ASTN2: variants seen among roughly 807,000 people sequenced by gnomAD.
ASTN2 encodes astrotactin-2.
In ASTN2, 54 loss-of-function variants were observed where a neutral mutation model predicts 139.8. That is an observed-to-expected ratio of 0.39 (90% confidence interval 0.31 to 0.48). The LOEUF (loss-of-function observed/expected upper bound fraction) is 0.48. Among genes scored for constraint, ASTN2 ranks in the 20% least tolerant of loss-of-function variants. The pLI, the probability that ASTN2 is intolerant of heterozygous loss-of-function variation, is 0.95. For synonymous variants in ASTN2, 756 were observed against 719.5 expected (o/e 1.05, Z -0.81); for missense variants, 1,565 against 1,725.1 (o/e 0.91, Z 1.64).
intron 10 of ASTN2, among the ~76,000 whole-genome samples, chr9:116,870,275 A>G (rs916959421): frequency 2.0e-5 from 3 of 152,234 alleles, no homozygotes; most frequent in Non-Finnish European, 4.4e-5. Flanking sequence ...TTTCTCCTAC[A>G]TGAATCTTCT....
At chr9:116,535,900 C>T (rs540487052) in intron 19 of ASTN2, among the ~76,000 whole-genome samples, 28 of 152,240 alleles carry the variant, frequency 1.8e-4, no homozygotes, top group African/African-American at 6.7e-4. Context: ...TGAATGTTGG[C>T]CTGCCTTGCT....
At chr9:116,916,044 T>C (rs987107883) in intron 10 of ASTN2, among the ~76,000 whole-genome samples, 3 of 152,158 alleles carry the variant, frequency 2.0e-5, no homozygotes, top group African/African-American at 7.2e-5. Context: ...CTGAATTAAA[T>C]TGCAGGACAC....
At chr9:117,175,379 C>T (rs1488732510) in intron 3 of ASTN2, among the ~76,000 whole-genome samples, 1 of 152,086 alleles carries the variant, frequency 6.6e-6, no homozygotes, top group African/African-American at 2.4e-5. Flanking sequence ...GCAAGTGAGT[C>T]TGTAAATTGA....
At chr9:116,787,167 G>A (rs1445208035) in intron 13 of ASTN2, among the ~76,000 whole-genome samples, 1 of 152,158 alleles carries the variant, frequency 6.6e-6, no homozygotes, top group Non-Finnish European at 1.5e-5. Flanking sequence ...GCAGCCAAGC[G>A]GAGCTAAGGA....
intron 19 of ASTN2, among the ~76,000 whole-genome samples, chr9:116,519,835 T>C (rs529433794): frequency 6.6e-6 from 1 of 151,958 alleles, no homozygotes; most frequent in East Asian, 1.9e-4. Context: ...TTACAACTGA[T>C]ATCACAAAAA....
chr9:117,046,209 C>T (rs1386250983), intron 5 of ASTN2, among the ~76,000 whole-genome samples: 2 of 152,042 alleles, frequency 1.3e-5, no homozygotes, highest in East Asian at 1.9e-4. Flanking sequence ...CCATGTTGGC[C>T]AGGCTAGTCT....
intron 2 of ASTN2, among the ~76,000 whole-genome samples, chr9:117,248,155 C>T (rs1436675942): frequency 6.6e-6 from 1 of 152,200 alleles, no homozygotes; most frequent in Non-Finnish European, 1.5e-5. Context: ...ATTTCCCATC[C>T]TGTAGAGCTA....
chr9:117,173,467 A>G (rs1024655309), intron 3 of ASTN2, among the ~76,000 whole-genome samples: 3 of 152,180 alleles, frequency 2.0e-5, no homozygotes, highest in African/African-American at 7.2e-5. Flanking sequence ...CACAGAAACT[A>G]TTTATAAAAA....
chr9:117,002,353 G>T (rs1837214783), intron 7 of ASTN2, among the ~76,000 whole-genome samples: 1 of 152,180 alleles, frequency 6.6e-6, no homozygotes, highest in Non-Finnish European at 1.5e-5. Flanking sequence ...GATGATTAAA[G>T]GGTGGAAGAC....
intron 4 of ASTN2, among the ~76,000 whole-genome samples, chr9:117,099,478 T>C (rs905243019): frequency 6.6e-6 from 1 of 152,212 alleles, no homozygotes; most frequent in African/African-American, 2.4e-5. Context: ...CTTTCCCTAC[T>C]GGAGCAAGAT....
At chr9:117,101,604 T>C (rs916415496) in intron 4 of ASTN2, among the ~76,000 whole-genome samples, 1 of 152,158 alleles carries the variant, frequency 6.6e-6, no homozygotes, top group Admixed American at 6.5e-5. Flanking sequence ...GTACCTTACA[T>C]GCAATATCCC....
intron 19 of ASTN2, among the ~76,000 whole-genome samples, chr9:116,558,974 T>C (rs1852771769): frequency 1.3e-5 from 2 of 152,370 alleles, no homozygotes; most frequent in Middle Eastern, 3.4e-3. Flanking sequence ...CTCTTGTTGG[T>C]GCTTAGAACA....
intron 4 of ASTN2, among the ~76,000 whole-genome samples, chr9:117,102,965 G>A (rs1829018079): frequency 6.6e-6 from 1 of 152,086 alleles, no homozygotes; most frequent in South Asian, 2.1e-4. Context: ...CAGGGAGAGG[G>A]AAAGTTGGGG....
intron 3 of ASTN2, among the ~76,000 whole-genome samples, chr9:117,184,439 A>T (rs1489732576): frequency 6.6e-6 from 1 of 152,130 alleles, no homozygotes; most frequent in Non-Finnish European, 1.5e-5. Context: ...TTCACCAGGG[A>T]AATCATGAGG....
intron 14 of ASTN2, among the ~76,000 whole-genome samples, chr9:116,732,378 G>A (rs530897622): frequency 1.1e-4 from 16 of 152,292 alleles, no homozygotes; most frequent in East Asian, 7.7e-4. Flanking sequence ...AAAGGCTCAC[G>A]GGAGTTAGAT....
chr9:116,534,992 G>A (rs1016648627), intron 19 of ASTN2, among the ~76,000 whole-genome samples: 21 of 152,162 alleles, frequency 1.4e-4, no homozygotes, highest in African/African-American at 5.1e-4. Flanking sequence ...TTGTGTGGGA[G>A]CCTAAGTCTC....
intron 17 of ASTN2, among the ~76,000 whole-genome samples, chr9:116,646,834 T>C (rs1297965271): frequency 6.6e-6 from 1 of 152,186 alleles, no homozygotes; most frequent in Non-Finnish European, 1.5e-5. Context: ...TCTCCTGGCT[T>C]CCCCATTGCC....
chr9:116,772,634 C>G (rs1029353109), intron 13 of ASTN2, among the ~76,000 whole-genome samples: 6 of 152,152 alleles, frequency 3.9e-5, no homozygotes, highest in African/African-American at 1.4e-4. Flanking sequence ...TGAACTATTC[C>G]TTAAAAGACT....
At chr9:116,887,799 C>G (rs145546619) in intron 10 of ASTN2, among the ~76,000 whole-genome samples, 3,223 of 152,152 alleles carry the variant, frequency 0.021, 111 homozygotes, top group African/African-American at 0.073. Flanking sequence ...TCCCAAGAAG[C>G]TGGGACTACA....
Sources: gnomAD v4.1 joint callset for allele counts (sites outside exome capture counted in the v4.1 genomes callset) on GRCh38, gnomAD v4.1.1 for gene constraint, MANE v1.5 for transcripts, NCBI Gene and HGNC (gene_info 2026-07-23, HGNC 2026-07-21) for gene names.